GNB1: variants seen among roughly 807,000 people sequenced by gnomAD.
GNB1 encodes the protein G protein subunit beta 1.
Under a neutral mutation model 42.9 loss-of-function variants are expected in GNB1, and 2 were observed. That is an observed-to-expected ratio of 0.05 (90% confidence interval 0.02 to 0.15). The LOEUF is 0.15. Among genes scored for constraint, GNB1 ranks in the 10% least tolerant of loss-of-function variants. The pLI is 1.00. For missense variants in GNB1, 193 were observed against 462.2 expected (o/e 0.42, Z 5.34); for synonymous variants, 183 against 174.7 (o/e 1.05, Z -0.38).
At chr1:1,863,911 G>A (rs1328357982) in intron 1 of GNB1, among the ~76,000 whole-genome samples, 1 of 152,154 alleles carries the variant, frequency 6.6e-6, no homozygotes, top group Non-Finnish European at 1.5e-5. Context: ...AAAACAAGAG[G>A]GTCTGGGCCA....
intron 9 of GNB1, among the ~76,000 whole-genome samples, chr1:1,789,623 C>A (rs948651781): frequency 2.1e-5 from 3 of 141,878 alleles, no homozygotes; most frequent in African/African-American, 7.8e-5. Flanking sequence ...AACCGGGAGG[C>A]GGCGGAGGCT....
chr1:1,851,783 C>T (rs1647996380), intron 1 of GNB1, among the ~76,000 whole-genome samples: 1 of 152,134 alleles, frequency 6.6e-6, no homozygotes, highest in Non-Finnish European at 1.5e-5. Flanking sequence ...GCGGCTCACG[C>T]CTATAATCCC....
chr1:1,841,045 C>T (rs1481435026), intron 1 of GNB1, among the ~76,000 whole-genome samples: 1 of 151,112 alleles, frequency 6.6e-6, no homozygotes, highest in African/African-American at 2.4e-5. Context: ...GCACATGCCA[C>T]CACTCCCAGC....
intron 1 of GNB1, among the ~76,000 whole-genome samples, chr1:1,861,904 T>C (rs182602612): frequency 2.0e-4 from 30 of 152,116 alleles, no homozygotes; most frequent in South Asian, 4.2e-4. Flanking sequence ...CCTGTACTCT[T>C]TAAACCTCAA....
intron 8 of GNB1, 107 bp downstream of exon 8, chr1:1,793,138 G>A: frequency 1.7e-6 from 1 of 581,416 alleles, no homozygotes; most frequent in Non-Finnish European, 3.1e-6. Context: ...TTAAATTACA[G>A]ATGGCCTAAT....
intron 2 of GNB1, among the ~76,000 whole-genome samples, chr1:1,834,981 T>C (rs554062531): frequency 6.6e-6 from 1 of 152,292 alleles, no homozygotes; most frequent in Admixed American, 6.5e-5. Context: ...AAGCACCTTT[T>C]ATAAGGGGCC....
intron 2 of GNB1, among the ~76,000 whole-genome samples, chr1:1,833,039 CAT>C (rs1372879790): frequency 6.6e-6 from 1 of 152,170 alleles, no homozygotes; most frequent in Non-Finnish European, 1.5e-5. Flanking sequence ...AAAGTGCACA[CAT>C]GTGGTCCCAC....
intron 7 of GNB1, among the ~76,000 whole-genome samples, chr1:1,794,656 G>A (rs1482757466): frequency 6.6e-6 from 1 of 152,200 alleles, no homozygotes; most frequent in African/African-American, 2.4e-5. Flanking sequence ...GAAAGTGTAA[G>A]ATTACAGAGA....
chr1:1,890,285 G>C (rs930693559), intron 1 of GNB1: 27 of 151,928 alleles, frequency 1.8e-4, no homozygotes, highest in African/African-American at 6.3e-4. Flanking sequence ...TCCGACCGCG[G>C]CGCGCGGCCC....
At chr1:1,843,543 T>C (rs370088152) in intron 1 of GNB1, among the ~76,000 whole-genome samples, 1 of 152,180 alleles carries the variant, frequency 6.6e-6, no homozygotes, top group African/African-American at 2.4e-5. Flanking sequence ...TTTTAATGCC[T>C]AGATTGCCCT....
At chr1:1,788,281 CA>C (rs1185512304) in intron 10 of GNB1, 1 of 153,066 alleles carries the variant, frequency 6.5e-6, no homozygotes, top group African/African-American at 2.4e-5. Context: ...CACTTCCTCC[CA>C]GGGGGATCCG....
At chr1:1,807,944 C>T (rs1410164627) in intron 5 of GNB1, among the ~76,000 whole-genome samples, 2 of 151,996 alleles carry the variant, frequency 1.3e-5, no homozygotes, top group Admixed American at 6.6e-5. Flanking sequence ...CTCCTGACCT[C>T]GTGATCTGCC....
intron 1 of GNB1, among the ~76,000 whole-genome samples, chr1:1,854,628 T>C (rs1648165418): frequency 6.6e-6 from 1 of 152,228 alleles, no homozygotes; most frequent in Non-Finnish European, 1.5e-5. Context: ...GTTTTTAAGC[T>C]GGGCGCATTG....
chr1:1,838,242 T>C (rs1351299458), intron 2 of GNB1, among the ~76,000 whole-genome samples: 1 of 152,086 alleles, frequency 6.6e-6, no homozygotes, highest in Non-Finnish European at 1.5e-5. Context: ...CAGCCCCTAA[T>C]TGCTATTCAA....
At chr1:1,789,561 G>A (rs1229803897) in intron 9 of GNB1, among the ~76,000 whole-genome samples, 6 of 152,094 alleles carry the variant, frequency 3.9e-5, no homozygotes. Flanking sequence ...GCGTGGCGGC[G>A]TGCGCCTGTA....
At chr1:1,838,999 T>C (rs1035661052) in intron 2 of GNB1, among the ~76,000 whole-genome samples, 191 bp downstream of exon 2, 3 of 152,172 alleles carry the variant, frequency 2.0e-5, no homozygotes, top group South Asian at 2.1e-4. Context: ...CGTATGTCTA[T>C]AGCCTCAGCT....
At chr1:1,828,149 C>T (rs974773197) in intron 2 of GNB1, among the ~76,000 whole-genome samples, 2 of 152,034 alleles carry the variant, frequency 1.3e-5, no homozygotes, top group African/African-American at 4.8e-5. Context: ...GGAGAAACCC[C>T]ATCTCTACTA....
intron 5 of GNB1, among the ~76,000 whole-genome samples, chr1:1,810,328 G>A (rs1454495851): frequency 1.3e-5 from 2 of 151,368 alleles, no homozygotes; most frequent in Non-Finnish European, 2.9e-5. Context: ...GCCTCCCAAA[G>A]TGCTGGGATT....
At chr1:1,807,680 G>A (rs1646720350) in intron 5 of GNB1, among the ~76,000 whole-genome samples, 1 of 151,648 alleles carries the variant, frequency 6.6e-6, no homozygotes, top group Non-Finnish European at 1.5e-5. Context: ...CGGGAGCAGA[G>A]ACCAGTAACT....
Sources: allele counts gnomAD v4.1 joint callset (sites outside exome capture counted in the v4.1 genomes callset), GRCh38; gene constraint gnomAD v4.1.1; transcripts MANE v1.5; gene names NCBI Gene and HGNC (gene_info 2026-07-23, HGNC 2026-07-21).